The following RBFOX1 variants were observed in gnomAD, a reference collection of about 807,000 sequenced individuals.
The protein encoded by RBFOX1 is RNA binding fox-1 homolog 1, also known as RNA binding protein fox-1 homolog 1.
RBFOX1 carries 8 observed loss-of-function variants against 57.7 expected under a neutral mutation model. The observed-to-expected ratio is 0.14, with a 90% CI of 0.08 to 0.25. The LOEUF is 0.25. Among genes scored for constraint, RBFOX1 ranks in the 10% least tolerant of loss-of-function variants. The probability of loss-of-function intolerance (pLI) is 1.00; values close to 1 mark genes in which losing one functional copy is unlikely to be tolerated. For missense variants in RBFOX1, 611 were observed against 548.5 expected, an observed-to-expected ratio of 1.11 and a Z score of -1.14; for synonymous variants, 326 against 222.4, an observed-to-expected ratio of 1.47 and a Z score of -4.15.
At chr16:6,653,406 G>C (rs2098614776) in intron 2 of RBFOX1, among the ~76,000 whole-genome samples, 1 of 152,152 alleles carries the variant, frequency 6.6e-6, no homozygotes, top group Non-Finnish European at 1.5e-5. Flanking sequence ...GCAAGGTCTA[G>C]CAGCCAAGAG....
At chr16:6,591,451 C>G (rs1352062062) in intron 2 of RBFOX1, among the ~76,000 whole-genome samples, 2 of 151,948 alleles carry the variant, frequency 1.3e-5, no homozygotes, top group East Asian at 1.9e-4. Flanking sequence ...GAGACTCTGT[C>G]TCACAAAAAA....
chr16:6,748,121 A>T (rs1326095885), intron 3 of RBFOX1, among the ~76,000 whole-genome samples: 3 of 151,738 alleles, frequency 2.0e-5, no homozygotes, highest in African/African-American at 7.3e-5. Context: ...TGGTAGGATC[A>T]TTTTTTTTCC....
intron 4 of RBFOX1, among the ~76,000 whole-genome samples, chr16:5,953,222 G>A (rs1256913728): frequency 6.6e-6 from 1 of 152,160 alleles, no homozygotes; most frequent in African/African-American, 2.4e-5. Context: ...GAATGATTTT[G>A]CCCCTCAGAT....
intron 4 of RBFOX1, among the ~76,000 whole-genome samples, chr16:7,113,334 A>G (rs150505244): frequency 2.6e-5 from 4 of 152,256 alleles, no homozygotes; most frequent in Non-Finnish European, 5.9e-5. Context: ...GACTTATACA[A>G]TATAATGAAA....
In RBFOX1 at chr16:6,019,462, C is replaced by T; in HGVS notation, c.-657C>T. ...CGTCGGGTGGGGAAACCCGAACTCG[C>T]GGAGGGGAATCCCTCCCCCTCCGCC... On this transcript the variant is annotated 5_prime_UTR_variant, in exon 1 of 16. Transcript: ENST00000550418. The surrounding 1 kb of genome is among the most constrained non-coding windows in gnomAD (Gnocchi z 4.2). 1.0e-6 allele frequency: 1 copy of T among 994,362 alleles called. No homozygotes were observed. Among genetic ancestry groups the T allele is most frequent in the Non-Finnish European group, 1.2e-6 (1 of 836,146 alleles). 61.6% of individuals were successfully genotyped at this position (994,362 alleles called of 1,614,324 possible). A position where few individuals can be genotyped will look rare whatever the true frequency, so the allele number is the denominator to read the frequency against.
intron 2 of RBFOX1, among the ~76,000 whole-genome samples, chr16:5,568,740 G>C (rs879426008): frequency 6.6e-5 from 10 of 152,188 alleles, no homozygotes; most frequent in Admixed American, 3.3e-4. Flanking sequence ...ATGGTCTTAA[G>C]AATCCATGCT....
chr16:7,518,645 A>G (rs1297350526), intron 5 of RBFOX1, among the ~76,000 whole-genome samples: 2 of 152,144 alleles, frequency 1.3e-5, no homozygotes, highest in African/African-American at 2.4e-5. Flanking sequence ...TTCTATTCCT[A>G]TAGTTTTGCC....
At chr16:5,743,194 ATGTCTC>A (rs2052841790) in intron 3 of RBFOX1, among the ~76,000 whole-genome samples, 1 of 152,196 alleles carries the variant, frequency 6.6e-6, no homozygotes, top group Non-Finnish European at 1.5e-5. Context: ...TTCTCTTTGT[ATGTCTC>A]TGTGAATCTG....
At chr16:6,808,137 A>G (rs891625874) in intron 3 of RBFOX1, among the ~76,000 whole-genome samples, 7 of 145,620 alleles carry the variant, frequency 4.8e-5, no homozygotes, top group Non-Finnish European at 1.0e-4. Context: ...AACTATATAT[A>G]ATATGCATAT....
chr16:7,430,118 C>G (rs913186783), intron 4 of RBFOX1, among the ~76,000 whole-genome samples: 3 of 152,190 alleles, frequency 2.0e-5, no homozygotes, highest in Non-Finnish European at 2.9e-5. Flanking sequence ...TACTTTCTTG[C>G]CACTAAGTCT....
intron 3 of RBFOX1, among the ~76,000 whole-genome samples, chr16:6,937,727 G>C (rs1436744800): frequency 2.0e-5 from 3 of 152,116 alleles, no homozygotes; most frequent in African/African-American, 7.2e-5. Flanking sequence ...AAGAATGTCT[G>C]GGTTAGGATA....
In RBFOX1 at chr16:6,256,203, G is replaced by GTATATGTGTATATATATGTATATA. The variant is rs2097663311; in HGVS notation, c.-126-60774_-126-60751dup. ...TATATATACGTATATATATGTATAT[G>GTATATGTGTATATATATGTATATA]TATATGTGTATATATATGTATATAT... On this transcript the variant is annotated intron_variant, in intron 1 of 15. Coordinates refer to ENST00000550418, the MANE Select transcript of RBFOX1 (RefSeq NM_018723.4). Among the ~76,000 whole-genome samples, 61 of 41,204 alleles carry GTATATGTGTATATATATGTATATA rather than the reference G, an allele frequency of 1.5e-3. 3 individuals are homozygous for GTATATGTGTATATATATGTATATA. The highest frequency in any genetic ancestry group is 9.6e-5 in the Non-Finnish European group (2 of 20,804). 27.0% of individuals were successfully genotyped at this position (41,204 alleles called of 152,430 possible). A position where few individuals can be genotyped will look rare whatever the true frequency, so the allele number is the denominator to read the frequency against.
At position 5,508,454 on chromosome 16, in the gene RBFOX1, A is replaced by G. The variant is rs186937270; in HGVS notation, c.258+41200A>G. Among the ~76,000 whole-genome samples the G allele has an allele frequency of 1.2e-4, 18 of 152,336 alleles. No homozygotes were observed. In the East Asian group the frequency reaches 3.3e-3, roughly 28 times the overall value. On this transcript the variant is annotated intron_variant, in intron 2 of 2. Coordinates refer to the RBFOX1 transcript ENST00000585867. ...TGCTGCAGCCTTCCTGTGGGCATGA[A>G]TAGAACATGTGGCTGTGTTCTATTC... is the stretch of plus-strand genomic sequence containing the variant.
At chr16:6,841,924 G>A (rs1254627581) in intron 3 of RBFOX1, among the ~76,000 whole-genome samples, 5 of 151,706 alleles carry the variant, frequency 3.3e-5, no homozygotes, top group Non-Finnish European at 7.4e-5. Context: ...GGATCACGAG[G>A]TCAGGAGATC....
chr16:6,610,256 A>G (rs1196890546), intron 2 of RBFOX1, among the ~76,000 whole-genome samples: 2 of 152,210 alleles, frequency 1.3e-5, no homozygotes, highest in African/African-American at 4.8e-5. Context: ...TGTAAAAACA[A>G]TAATAAAGTA....
chr16:6,925,109 GTTTTTTTTTTTTTTTTTTTTTTTTTTTT>G (rs57556084), intron 3 of RBFOX1, among the ~76,000 whole-genome samples: 27 of 45,250 alleles, frequency 6.0e-4, no homozygotes, highest in South Asian at 5.1e-3. Context: ...TAGGTTGTTG[GTTTTTTTTTTTTTTTTTTTTTTTTTTTT>G]TTTTTTTTTT....
intron 3 of RBFOX1, among the ~76,000 whole-genome samples, chr16:5,754,006 C>G (rs1278981656): frequency 6.6e-6 from 1 of 152,154 alleles, no homozygotes; most frequent in Non-Finnish European, 1.5e-5. Flanking sequence ...TTTTTCTAAT[C>G]TAACTCAGCC....
chr16:7,396,921 A>G (rs567691567), intron 4 of RBFOX1, among the ~76,000 whole-genome samples: 2 of 152,328 alleles, frequency 1.3e-5, no homozygotes, highest in South Asian at 2.1e-4. Context: ...GGCCTGGGCT[A>G]TAGGGTGAGA....
intron 3 of RBFOX1, among the ~76,000 whole-genome samples, chr16:5,670,997 C>G (rs1029005757): frequency 1.3e-5 from 2 of 152,170 alleles, no homozygotes; most frequent in African/African-American, 4.8e-5. Context: ...AGACTCAGAG[C>G]CCCCCTCACT....
Sources: gnomAD v4.1 joint callset for allele counts (sites outside exome capture counted in the v4.1 genomes callset) on GRCh38, gnomAD v4.1.1 for gene constraint, Gnocchi (gnomAD v3.1) non-coding constraint, MANE v1.5 for transcripts, NCBI Gene and HGNC (gene_info 2026-07-23, HGNC 2026-07-21) for gene names.